Variants in GRIK4 observed in about 807,000 individuals in gnomAD.
GRIK4 encodes the protein glutamate receptor ionotropic, kainate 4.
GRIK4 carries 40 observed loss-of-function variants against 104.9 expected under a neutral mutation model. The observed-to-expected ratio is 0.38, with a 90% CI of 0.30 to 0.50. GRIK4 has a LOEUF of 0.50. Ranked by LOEUF, GRIK4 falls within the 20% of genes least tolerant of loss-of-function variation. The pLI is 0.93. For synonymous variants in GRIK4, 485 were observed against 524.9 expected, an observed-to-expected ratio of 0.92 and a Z score of 1.04; for missense variants, 1,047 against 1,308.1, an observed-to-expected ratio of 0.80 and a Z score of 3.08.
chr11:120,958,528 T>A (rs1944218316), intron 16 of GRIK4, among the ~76,000 whole-genome samples: 1 of 152,258 alleles, frequency 6.6e-6, no homozygotes, highest in Non-Finnish European at 1.5e-5. Context: ...AGGGCCATCG[T>A]GGCCTACCTC....
In GRIK4 at chr11:120,849,159, G is replaced by A. The variant is rs980788898; in HGVS notation, c.744+12315G>A. On this transcript the variant is annotated intron_variant, in intron 8 of 20. Transcript: ENST00000527524. ...CGCATTGCTTGTATCTGCCCCCAAC[G>A]CGCGCACACACACACACACACACAT... is the stretch of plus-strand genomic sequence containing the variant. 4.6e-5 allele frequency among the ~76,000 whole-genome samples: 7 copies of A among 151,130 alleles called. No individual in the cohort carries two copies. In the East Asian group the frequency reaches 7.8e-4, roughly 17 times the overall value.
At chr11:120,672,911 C>A (rs1199967473) in intron 3 of GRIK4, among the ~76,000 whole-genome samples, 1 of 152,174 alleles carries the variant, frequency 6.6e-6, no homozygotes, top group Non-Finnish European at 1.5e-5. Flanking sequence ...TTTGAATATG[C>A]TTTACTTCTT....
At chr11:120,519,880 G>GTTTTT (rs11300538) in intron 1 of GRIK4, among the ~76,000 whole-genome samples, 3 of 121,618 alleles carry the variant, frequency 2.5e-5, no homozygotes, top group African/African-American at 3.3e-5. Flanking sequence ...TTTTTTTTTT[G>GTTTTT]TTTTTTTTTT....
At chr11:120,766,327 C>A (rs889995776) in intron 3 of GRIK4, among the ~76,000 whole-genome samples, 2 of 152,336 alleles carry the variant, frequency 1.3e-5, no homozygotes, top group South Asian at 2.1e-4. Flanking sequence ...CATCCCAGGT[C>A]GACTTCAGAC....
intron 1 of GRIK4, among the ~76,000 whole-genome samples, chr11:120,601,906 C>T (rs980678068): frequency 1.3e-5 from 2 of 152,128 alleles, no homozygotes; most frequent in Non-Finnish European, 2.9e-5. Flanking sequence ...ATATAGTTTT[C>T]TGGTACAGTG....
chr11:120,672,956 T>C (rs976151537), intron 3 of GRIK4, among the ~76,000 whole-genome samples: 4 of 152,208 alleles, frequency 2.6e-5, no homozygotes, highest in African/African-American at 7.2e-5. Flanking sequence ...GAACTTCCAA[T>C]ACTATGTTGA....
At chr11:120,559,542 A>C (rs1948218782) in intron 1 of GRIK4, among the ~76,000 whole-genome samples, 1 of 152,250 alleles carries the variant, frequency 6.6e-6, no homozygotes, top group Admixed American at 6.5e-5. Flanking sequence ...CTTTAATGAA[A>C]TATTTCTATC....
chr11:120,978,326 G>A (rs1177405602), intron 19 of GRIK4, among the ~76,000 whole-genome samples: 1 of 152,228 alleles, frequency 6.6e-6, no homozygotes, highest in Non-Finnish European at 1.5e-5. Context: ...AGTCAGGTAA[G>A]AGTAGAGAAG....
At chr11:120,650,880 T>C (rs1488169068) in intron 1 of GRIK4, among the ~76,000 whole-genome samples, 4 of 152,206 alleles carry the variant, frequency 2.6e-5, no homozygotes, top group Admixed American at 6.5e-5. Flanking sequence ...CATGATCTCA[T>C]TGAATCCTAT....
At chr11:120,572,196 T>C (rs1211551889) in intron 1 of GRIK4, among the ~76,000 whole-genome samples, 3 of 152,076 alleles carry the variant, frequency 2.0e-5, no homozygotes, top group Non-Finnish European at 4.4e-5. Context: ...ACGAGTCTCC[T>C]TCTTGAGGGC....
chr11:120,819,290 G>A lies in GRIK4; in HGVS notation c.346-465G>A, dbSNP rs1201851226. On this transcript the variant is annotated intron_variant, in intron 5 of 20. Transcript: ENST00000527524. This position sits in a 1 kb window ranked among gnomAD's most constrained non-coding sequence, Gnocchi z 4.3. ...CTGGTTACTATACACCTGTTGGCTG[G>A]GCTGGGCTGATGGGACTCTTCTCTT... Among the ~76,000 whole-genome samples the A allele has an allele frequency of 6.6e-6, 1 of 152,144 alleles. No homozygotes were observed. Among genetic ancestry groups the A allele is most frequent in the Non-Finnish European group, 1.5e-5 (1 of 68,024 alleles).
intron 2 of GRIK4, among the ~76,000 whole-genome samples, chr11:120,658,312 G>A (rs1354505744): frequency 6.6e-6 from 1 of 152,082 alleles, no homozygotes; most frequent in African/African-American, 2.4e-5. Context: ...TTCCAGTTTG[G>A]GGAAACGAAA....
intron 1 of GRIK4, among the ~76,000 whole-genome samples, chr11:120,606,543 C>T (rs529302367): frequency 1.3e-5 from 2 of 152,346 alleles, no homozygotes; most frequent in South Asian, 2.1e-4. Flanking sequence ...CACACTCATT[C>T]CGTCCATTCA....
intron 3 of GRIK4, among the ~76,000 whole-genome samples, chr11:120,668,468 G>A (rs574785852): frequency 1.2e-4 from 18 of 152,196 alleles, no homozygotes; most frequent in African/African-American, 3.6e-4. Context: ...ACCCTACCCC[G>A]GGGAAGACGT....
At chr11:120,568,947 G>T (rs1288217780) in intron 1 of GRIK4, among the ~76,000 whole-genome samples, 1 of 152,160 alleles carries the variant, frequency 6.6e-6, no homozygotes, top group African/African-American at 2.4e-5. Flanking sequence ...CCATTTTTCA[G>T]GTACTTTTAT....
chr11:120,525,001 G>A (rs1037089746), intron 1 of GRIK4, among the ~76,000 whole-genome samples: 4 of 152,118 alleles, frequency 2.6e-5, no homozygotes, highest in African/African-American at 9.7e-5. Context: ...CAGTGACTCT[G>A]GACCTCCCTG....
chr11:120,675,829 A>C (rs1318364941), intron 3 of GRIK4, among the ~76,000 whole-genome samples: 1 of 152,210 alleles, frequency 6.6e-6, no homozygotes, highest in Non-Finnish European at 1.5e-5. Flanking sequence ...AAGCCCATAA[A>C]TAATAGTTAT....
intron 19 of GRIK4, among the ~76,000 whole-genome samples, chr11:120,981,572 T>A (rs1299564939): frequency 6.6e-6 from 1 of 152,246 alleles, no homozygotes; most frequent in East Asian, 1.9e-4. Context: ...TGTGAACCAC[T>A]CGTTTGGTGG....
intron 16 of GRIK4, among the ~76,000 whole-genome samples, chr11:120,957,163 C>T (rs1944174529): frequency 6.6e-6 from 1 of 152,176 alleles, no homozygotes; most frequent in South Asian, 2.1e-4. Flanking sequence ...CCCTTACTCT[C>T]TGGGGTCTGG....
Sources: gnomAD v4.1 joint callset for allele counts (sites outside exome capture counted in the v4.1 genomes callset) on GRCh38, gnomAD v4.1.1 for gene constraint, Gnocchi (gnomAD v3.1) non-coding constraint, MANE v1.5 for transcripts, NCBI Gene and HGNC (gene_info 2026-07-23, HGNC 2026-07-21) for gene names.